The following KHDRBS2 variants were observed in gnomAD, a reference collection of about 807,000 sequenced individuals.
KHDRBS2 encodes KH RNA binding domain containing, signal transduction associated 2.
A neutral mutation model predicts 44.3 loss-of-function variants in KHDRBS2; 26 were observed. The observed-to-expected ratio is 0.59, with a 90% CI of 0.43 to 0.81. KHDRBS2 has a LOEUF of 0.81. Among genes scored for constraint, KHDRBS2 ranks in the 40% least tolerant of loss-of-function variants. The pLI is 0.00. For synonymous variants in KHDRBS2, 194 were observed against 151.1 expected (o/e 1.28, Z -2.08); for missense variants, 476 against 433.1 (o/e 1.10, Z -0.88).
intron 6 of KHDRBS2, among the ~76,000 whole-genome samples, chr6:61,893,883 A>G (rs1177326424): frequency 1.3e-5 from 2 of 151,392 alleles, no homozygotes; most frequent in Non-Finnish European, 2.9e-5. Flanking sequence ...ATGTACCCTA[A>G]AACTTAAAGT....
chr6:62,095,950 GT>G (rs1385635260), intron 2 of KHDRBS2, among the ~76,000 whole-genome samples: 20 of 151,676 alleles, frequency 1.3e-4, no homozygotes, highest in African/African-American at 4.1e-4. Flanking sequence ...TTTATCAAAT[GT>G]TTTTTTATTC....
intron 6 of KHDRBS2, among the ~76,000 whole-genome samples, chr6:61,776,985 G>A (rs1389757485): frequency 6.6e-6 from 1 of 152,152 alleles, no homozygotes; most frequent in Non-Finnish European, 1.5e-5. Context: ...CATGTCCTTT[G>A]TAGGGACATG....
chr6:62,192,648 A>C (rs1465400378), intron 1 of KHDRBS2, among the ~76,000 whole-genome samples: 4 of 152,174 alleles, frequency 2.6e-5, no homozygotes, highest in African/African-American at 9.6e-5. Flanking sequence ...TATTCATTAG[A>C]GTTAAAAATT....
chr6:61,756,584 A>G (rs551543637), intron 6 of KHDRBS2, among the ~76,000 whole-genome samples: 1 of 152,322 alleles, frequency 6.6e-6, no homozygotes. Context: ...AGTGTTTCAG[A>G]GTTTACATAT....
At chr6:61,733,576 A>G (rs1235485372) in intron 6 of KHDRBS2, among the ~76,000 whole-genome samples, 5 of 151,938 alleles carry the variant, frequency 3.3e-5, no homozygotes, top group South Asian at 4.2e-4. Context: ...AGCCTGGGCA[A>G]CAAGCATGAA....
the KHDRBS2 span, among the ~76,000 whole-genome samples, chr6:61,662,963 C>A: frequency 1.3e-5 from 2 of 151,592 alleles, no homozygotes; most frequent in East Asian, 1.9e-4. Context: ...ATGTTTATAG[C>A]GGCACTATTC....
chr6:61,959,281 A>C (rs528611344), intron 4 of KHDRBS2, among the ~76,000 whole-genome samples: 12 of 152,316 alleles, frequency 7.9e-5, no homozygotes, highest in Admixed American at 7.2e-4. Context: ...TATTTACAAC[A>C]CAAGTAAATC....
chr6:62,085,450 T>A (rs3916573), intron 2 of KHDRBS2, among the ~76,000 whole-genome samples: 77 of 151,972 alleles, frequency 5.1e-4, no homozygotes, highest in African/African-American at 1.7e-3. Context: ...AGATTAGTGT[T>A]AAAGAAGCAA....
intron 4 of KHDRBS2, among the ~76,000 whole-genome samples, chr6:61,962,103 C>T (rs1228002223): frequency 6.6e-6 from 1 of 151,954 alleles, no homozygotes; most frequent in African/African-American, 2.4e-5. Flanking sequence ...AGGCAATCTT[C>T]AATAAACACT....
intron 2 of KHDRBS2, among the ~76,000 whole-genome samples, chr6:62,118,928 T>G (rs1806944985): frequency 6.6e-6 from 1 of 152,190 alleles, no homozygotes; most frequent in Non-Finnish European, 1.5e-5. Context: ...TGCAGACAGA[T>G]GACCTATTAG....
chr6:61,923,771 C>T (rs1200909857), intron 4 of KHDRBS2, among the ~76,000 whole-genome samples: 1 of 152,052 alleles, frequency 6.6e-6, no homozygotes, highest in African/African-American at 2.4e-5. Flanking sequence ...GGCAAGTCTG[C>T]TCTCACCACT....
At chr6:61,579,849 G>A in the KHDRBS2 span, among the ~76,000 whole-genome samples, 4 of 144,738 alleles carry the variant, frequency 2.8e-5, no homozygotes, top group Non-Finnish European at 4.5e-5. Flanking sequence ...CCTGAGGTTG[G>A]GAGTTTGAGA....
chr6:61,763,074 A>T (rs1375363943), intron 6 of KHDRBS2, among the ~76,000 whole-genome samples: 1 of 152,128 alleles, frequency 6.6e-6, no homozygotes, highest in Non-Finnish European at 1.5e-5. Flanking sequence ...AACCTATGTT[A>T]ATATAACCTC....
In KHDRBS2 at chr6:62,091,356, C is replaced by T. The variant is rs143795397; in HGVS notation, c.220-43362G>A. Among the ~76,000 whole-genome samples the T allele has an allele frequency of 1.5e-3, 231 of 152,112 alleles. 2 individuals carry two copies. Among genetic ancestry groups the T allele is most frequent in the Non-Finnish European group, 2.8e-3 (193 of 68,000 alleles). ...AATAATTCTTAGTATAAAATATCAA[C>T]CTGTATTTAATTACTCTGTTGCTAT... On this transcript the variant is annotated intron_variant, in intron 2 of 8. Coordinates refer to ENST00000281156, the MANE Select transcript of KHDRBS2 (RefSeq NM_152688.4).
chr6:61,793,194 T>C (rs1039281666), intron 6 of KHDRBS2, among the ~76,000 whole-genome samples: 2 of 151,922 alleles, frequency 1.3e-5, no homozygotes, highest in Non-Finnish European at 2.9e-5. Flanking sequence ...AGTAAACTTA[T>C]TGCTGAAAAA....
chr6:61,797,778 G>A (rs568859226), intron 6 of KHDRBS2, among the ~76,000 whole-genome samples: 11 of 148,140 alleles, frequency 7.4e-5, no homozygotes, highest in African/African-American at 2.2e-4. Flanking sequence ...TATATATATC[G>A]TATATAATTT....
At chr6:62,139,463 G>A (rs1812298099) in intron 2 of KHDRBS2, among the ~76,000 whole-genome samples, 1 of 151,556 alleles carries the variant, frequency 6.6e-6, no homozygotes, top group South Asian at 2.1e-4. Flanking sequence ...TGAGGCAGGA[G>A]AATGGCGTGA....
chr6:61,857,786 G>T (rs1796353918), intron 6 of KHDRBS2, among the ~76,000 whole-genome samples: 1 of 151,814 alleles, frequency 6.6e-6, no homozygotes, highest in Non-Finnish European at 1.5e-5. Flanking sequence ...CCTGCTCTCT[G>T]CAACACCTTG....
At chr6:62,030,483 G>A (rs1179294339) in intron 3 of KHDRBS2, among the ~76,000 whole-genome samples, 1 of 151,918 alleles carries the variant, frequency 6.6e-6, no homozygotes, top group Non-Finnish European at 1.5e-5. Context: ...TAGGGAATGA[G>A]AATCAAGTTA....
Sources: allele counts gnomAD v4.1 joint callset (sites outside exome capture counted in the v4.1 genomes callset), GRCh38; gene constraint gnomAD v4.1.1; transcripts MANE v1.5; gene names NCBI Gene and HGNC (gene_info 2026-07-23, HGNC 2026-07-21).